BRD4: variants seen among roughly 807,000 people sequenced by gnomAD.
BRD4 encodes bromodomain containing 4.
A neutral mutation model predicts 142.1 loss-of-function variants in BRD4; 16 were observed. The observed-to-expected ratio is 0.11, with a 90% CI of 0.08 to 0.17. The LOEUF is 0.17. Ranked by LOEUF, BRD4 falls within the 10% of genes least tolerant of loss-of-function variation. BRD4 has a pLI of 1.00. For synonymous variants in BRD4, 833 were observed against 707.5 expected (o/e 1.18, Z -2.82); for missense variants, 1,424 against 1,810.9 (o/e 0.79, Z 3.88).
chr19:15,241,758 C>A (rs2047239600), intron 14 of BRD4, among the ~76,000 whole-genome samples: 1 of 151,478 alleles, frequency 6.6e-6, no homozygotes, highest in South Asian at 2.1e-4. Context: ...GGAGGACAGG[C>A]AGCTTGTTCT....
chr19:15,319,473 G>A (rs1425667501), intron 1 of BRD4, among the ~76,000 whole-genome samples: 1 of 151,958 alleles, frequency 6.6e-6, no homozygotes, highest in African/African-American at 2.4e-5. Context: ...AATAAGCTAG[G>A]CATGGTGACA....
At chr19:15,240,782 T>A (rs2047232337) in intron 14 of BRD4, among the ~76,000 whole-genome samples, 1 of 152,176 alleles carries the variant, frequency 6.6e-6, no homozygotes, top group Admixed American at 6.5e-5. Flanking sequence ...ATCCAACATG[T>A]GGCCTCTCTC....
At position 15,329,172 on chromosome 19, in the gene BRD4, A is replaced by G. The variant is rs572245783; in HGVS notation, c.-35+3118T>C. 5.3e-5 allele frequency among the ~76,000 whole-genome samples: 8 copies of G among 151,852 alleles called. No homozygotes were observed. In the South Asian group the frequency reaches 1.7e-3, roughly 32 times the overall value. ...CAGCACCAGCAAGGAATTCCCCACA[A>G]TTCTCACCTCGCAAATGTACACTCT... On this transcript the variant is annotated intron_variant, in intron 1 of 19. Coordinates refer to ENST00000679869, the MANE Select transcript of BRD4 (RefSeq NM_001379291.1).
chr19:15,256,349 T>C, intron 8 of BRD4, 86 bp from the exon 9 acceptor site: 2 of 1,503,994 alleles, frequency 1.3e-6, no homozygotes, highest in Non-Finnish European at 1.8e-6. Flanking sequence ...CCAAAAAACA[T>C]GCGACAGCAT....
chr19:15,256,085 T>C lies in BRD4; in HGVS notation c.1730A>G (p.Asn577Ser), dbSNP rs1158504969. 6.2e-7 allele frequency: 1 copy of C among 1,611,810 alleles called. No homozygotes were observed. The highest frequency in any genetic ancestry group is 8.5e-7 in the Non-Finnish European group (1 of 1,179,892). The change falls in exon 9 of 20, where the codon AAT becomes AGT. Residue 577 changes from asparagine (N) to serine (S), a missense_variant. Physicochemically the swap from Asn to Ser is conservative, Grantham distance 46 (BLOSUM62 1). Around this residue, in one of 16 missense-constraint regions of BRD4, gnomAD observed 86 missense variants for 78.9 expected, o/e 1.09. Coordinates refer to ENST00000679869, the MANE Select transcript of BRD4 (RefSeq NM_001379291.1). ...EPPPKKTKKN[N>S]SSNSNVSKKE... ...AGACCTCACATTGCTGTTGCTGCTA[T>C]TATTTTTCTTCGTCTTTTTAGGAGG...
At chr19:15,302,057 C>T (rs781352895) in intron 1 of BRD4, among the ~76,000 whole-genome samples, 6 of 151,670 alleles carry the variant, frequency 4.0e-5, no homozygotes, top group Non-Finnish European at 8.8e-5. Context: ...ATTCCAGCTA[C>T]TTGAGAGGTT....
In BRD4 at chr19:15,238,152, T is replaced by G. The variant is rs906957866; in HGVS notation, c.*225A>C. The stretch of plus-strand genomic sequence containing the variant: ...TAACAAGGCGTGTGCTGAGCGGACG[T>G]CCTGTGAGGGGTGGTGGGTGGCGGG... On this transcript the variant is annotated 3_prime_UTR_variant, in exon 20 of 20. Coordinates refer to ENST00000679869, the MANE Select transcript of BRD4 (RefSeq NM_001379291.1). This position sits in a 1 kb window ranked among gnomAD's most constrained non-coding sequence, Gnocchi z 7.2. 17 of 630,292 alleles carry G rather than the reference T, an allele frequency of 2.7e-5. No homozygotes were observed. The highest frequency in any genetic ancestry group is 3.8e-5 in the Non-Finnish European group (14 of 371,668). 39.0% of individuals were successfully genotyped at this position (630,292 alleles called of 1,614,324 possible).
At chr19:15,286,719 G>C (rs1373058664) in intron 1 of BRD4, among the ~76,000 whole-genome samples, 2 of 152,174 alleles carry the variant, frequency 1.3e-5, no homozygotes, top group African/African-American at 4.8e-5. Context: ...TGAAAAAGTA[G>C]ATTCACATAC....
intron 11 of BRD4, chr19:15,246,512 G>T: frequency 6.6e-6 from 1 of 152,620 alleles, no homozygotes; most frequent in Non-Finnish European, 1.5e-5. Flanking sequence ...AGAAGCCTCA[G>T]GGATGTGTCC....
At chr19:15,262,042 C>A (rs1420987619) in intron 7 of BRD4, among the ~76,000 whole-genome samples, 2 of 152,212 alleles carry the variant, frequency 1.3e-5, no homozygotes, top group East Asian at 3.8e-4. Flanking sequence ...AGCACATGTC[C>A]TCTGAACCCA....
At chr19:15,304,870 C>A (rs1276804788) in intron 1 of BRD4, among the ~76,000 whole-genome samples, 1 of 152,082 alleles carries the variant, frequency 6.6e-6, no homozygotes. Context: ...CCCAAAAAAT[C>A]ATTTCCTGAT....
chr19:15,253,852 C>G, intron 11 of BRD4: 1 of 1,333,476 alleles, frequency 7.5e-7, no homozygotes, highest in Non-Finnish European at 1.0e-6. Context: ...CATGGCCCAG[C>G]TTCCCCGCCC....
At position 15,290,742 on chromosome 19, in the gene BRD4, C is replaced by T. The variant is rs949290715; in HGVS notation, c.-34-17609G>A. ...ATCTAAGCCTGCAGTTTTCATGTTT[C>T]CAGTGTGTTCCATCTCATACCCATA... On this transcript the variant is annotated intron_variant, in intron 1 of 19. Transcript: ENST00000679869. Among the ~76,000 whole-genome samples the T allele has an allele frequency of 3.9e-5, 6 of 152,234 alleles. 1 individual carries two copies. The South Asian group carries it at 1.2e-3, about 32-fold the overall frequency.
chr19:15,311,976 T>A (rs1351546299), intron 1 of BRD4, among the ~76,000 whole-genome samples: 1 of 152,226 alleles, frequency 6.6e-6, no homozygotes, highest in African/African-American at 2.4e-5. Context: ...CTTTGCAAGA[T>A]GAAAACTTTC....
rs758139232 is a variant in BRD4 at position 15,243,275 on chromosome 19, G to A, written c.2794C>T (p.Leu932=). 6.1e-6 allele frequency: 9 copies of A among 1,486,900 alleles called. No individual in the cohort carries two copies. The highest frequency in any genetic ancestry group is 7.2e-6 in the Non-Finnish European group (8 of 1,114,452). 92.1% of individuals were successfully genotyped at this position (1,486,900 alleles called of 1,614,324 possible). The change falls in exon 14 of 20, where the codon CTG becomes TTG. Residue 932 remains leucine (L), a synonymous_variant. Coordinates refer to ENST00000679869, the MANE Select transcript of BRD4 (RefSeq NM_001379291.1). Reference sequence around the variant, plus strand: ...GGCTGCACCTTCTGCAGCTGCTGCAGGTACAGCTGCATCTGCATGGAGGTG... The same window carrying A: ...GGCTGCACCTTCTGCAGCTGCTGCAAGTACAGCTGCATCTGCATGGAGGTG... ...PLTSMQMQLY[L]QQLQKVQPPT... is the part of the protein sequence containing the mutation.
Position 15,309,273 on chromosome 19 carries a change from C to T in BRD4, c.-35+23017G>A, listed in dbSNP as rs996675099. ...GCATGAACCCAGGAGGTGGAGCTTG[C>T]AGTGAGCAGAGCAGAGATTGTGCCA... On this transcript the variant is annotated intron_variant, in intron 1 of 19. Coordinates refer to ENST00000679869, the MANE Select transcript of BRD4 (RefSeq NM_001379291.1). Among the ~76,000 whole-genome samples, 47 of 138,426 alleles carry T rather than the reference C, an allele frequency of 3.4e-4. 1 individual carries two copies. The highest frequency in any genetic ancestry group is 1.3e-3 in the African/African-American group (46 of 36,308). The allele number at this position is 138,426 out of a possible 152,430, so 90.8% of individuals were successfully genotyped here.
intron 1 of BRD4, among the ~76,000 whole-genome samples, chr19:15,281,283 C>T (rs1269775381): frequency 6.6e-6 from 1 of 152,206 alleles, no homozygotes; most frequent in Non-Finnish European, 1.5e-5. Context: ...TGCAGTACCC[C>T]AGACCCTGCA....
At position 15,244,958 on chromosome 19, in the gene BRD4, T is replaced by G; in HGVS notation, c.2159-196A>C. The G allele has an allele frequency of 4.2e-6, 4 of 955,426 alleles. 1 individual carries two copies. The highest frequency in any genetic ancestry group is 6.1e-6 in the Non-Finnish European group (4 of 660,664). 59.2% of individuals were successfully genotyped at this position (955,426 alleles called of 1,614,324 possible). ...ACATGCGAGGCATCACCTACCCACTTGCCTGCTGCTTTTCCTAGCAGGGAC... is the reference window on the plus strand; with the variant it reads ...ACATGCGAGGCATCACCTACCCACTGGCCTGCTGCTTTTCCTAGCAGGGAC... On this transcript the variant is annotated intron_variant, in intron 11 of 19. Transcript: ENST00000679869.
chr19:15,243,540 C>G, intron 13 of BRD4, 53 bp from the exon 14 acceptor site: 1 of 1,488,628 alleles, frequency 6.7e-7, no homozygotes, highest in Non-Finnish European at 8.9e-7. Flanking sequence ...TGGCCCCAGC[C>G]TGGCCTTTCT....
Sources: gnomAD v4.1 joint callset for allele counts (sites outside exome capture counted in the v4.1 genomes callset) on GRCh38, gnomAD v4.1.1 for gene constraint, gnomAD v4.1.1 regional missense constraint, Gnocchi (gnomAD v3.1) non-coding constraint, MANE v1.5 for transcripts, NCBI Gene and HGNC (gene_info 2026-07-23, HGNC 2026-07-21) for gene names.